The following SEMA6D variants were observed in gnomAD, a reference collection of about 807,000 sequenced individuals.
The protein encoded by SEMA6D is semaphorin-6D.
SEMA6D carries 35 observed loss-of-function variants against 106.6 expected under a neutral mutation model. That is an observed-to-expected ratio of 0.33 (90% CI 0.25 to 0.44). The LOEUF (loss-of-function observed/expected upper bound fraction) is 0.44, where lower values mean the gene tolerates loss of function less well. Among genes scored for constraint, SEMA6D ranks in the 20% least tolerant of loss-of-function variants. The pLI is 1.00. For missense variants in SEMA6D, 1,185 were observed against 1,345.9 expected (o/e 0.88, Z 1.87); for synonymous variants, 499 against 487.7 (o/e 1.02, Z -0.31).
At chr15:47,256,183 T>C (rs1244715029) in intron 1 of SEMA6D, among the ~76,000 whole-genome samples, 1 of 152,204 alleles carries the variant, frequency 6.6e-6, no homozygotes, top group Non-Finnish European at 1.5e-5. Flanking sequence ...ATTTTAGGGC[T>C]GGGGTCTTAC....
At chr15:47,450,997 A>G (rs1208898139) in intron 2 of SEMA6D, among the ~76,000 whole-genome samples, 1 of 152,128 alleles carries the variant, frequency 6.6e-6, no homozygotes, top group Non-Finnish European at 1.5e-5. Context: ...AATCCAGGGA[A>G]GAACAAAGTG....
intron 15 of SEMA6D, 24 bp from the exon 16 acceptor site, chr15:47,766,592 C>T (rs756126828): frequency 2.5e-6 from 4 of 1,611,424 alleles, no homozygotes; most frequent in Non-Finnish European, 3.4e-6. Flanking sequence ...TAACCGAAGA[C>T]TTCTTTGCTT....
intron 4 of SEMA6D, among the ~76,000 whole-genome samples, chr15:47,665,311 T>C (rs1388197577): frequency 1.3e-5 from 2 of 152,228 alleles, no homozygotes; most frequent in Non-Finnish European, 2.9e-5. Context: ...GCTTTCCATC[T>C]TCCTTTTCAT....
rs575557882 is a variant in SEMA6D at position 47,637,105 on chromosome 15, G to A, written c.-55+36209G>A. ...ATTTGGCTCTGAGCAACTCAGCTCT[G>A]GACAGAATTTTTGTACATCTTCTCA... On this transcript the variant is annotated intron_variant, in intron 4 of 19. Transcript: ENST00000558014. Among the ~76,000 whole-genome samples the A allele has an allele frequency of 8.5e-5, 13 of 152,212 alleles. No homozygotes were observed. The South Asian group carries it at 2.1e-3, about 24-fold the overall frequency.
rs371268361 is a variant in SEMA6D, at chr15:47,614,546, C to CCTTA, written c.-55+13651_-55+13654dup. The stretch of plus-strand genomic sequence containing the variant: ...TTGGATCCCAGCTGGAGACATGAGA[C>CCTTA]CTTATGCAGTCAGCCAGTCAGTCCC... On this transcript the variant is annotated intron_variant, in intron 4 of 19. Transcript: ENST00000558014. 1.4e-4 allele frequency among the ~76,000 whole-genome samples: 21 copies of CCTTA among 152,324 alleles called. No individual in the cohort carries two copies. In the East Asian group the frequency reaches 4.0e-3, roughly 29 times the overall value.
intron 1 of SEMA6D, among the ~76,000 whole-genome samples, chr15:47,368,073 T>C (rs1439257370): frequency 6.6e-6 from 1 of 152,174 alleles, no homozygotes; most frequent in African/African-American, 2.4e-5. Flanking sequence ...CTGATCTCTT[T>C]CCAAAGGTGC....
At chr15:47,225,106 C>T (rs891430004) in intron 1 of SEMA6D, among the ~76,000 whole-genome samples, 2 of 151,944 alleles carry the variant, frequency 1.3e-5, no homozygotes, top group African/African-American at 4.8e-5. Flanking sequence ...TGCCCTTTAT[C>T]ACTGGGAATG....
At chr15:47,761,915 G>A (rs1296950887) in intron 7 of SEMA6D, among the ~76,000 whole-genome samples, 164 bp downstream of exon 7, 2 of 152,126 alleles carry the variant, frequency 1.3e-5, no homozygotes, top group Admixed American at 1.3e-4. Context: ...GAAATTAAGG[G>A]CAAGGATATT....
chr15:47,431,072 T>A (rs895533339), intron 2 of SEMA6D, among the ~76,000 whole-genome samples: 6 of 152,176 alleles, frequency 3.9e-5, no homozygotes, highest in African/African-American at 1.4e-4. Flanking sequence ...AAATAAGATT[T>A]TTTTCTCATT....
Position 47,762,907 on chromosome 15 carries a change from T to C in SEMA6D, c.659-109T>C, listed in dbSNP as rs2082140089. ...AGTCATTGGCAGATTGGAGTTCTTG[T>C]TGGCTTGAATGTAATTGTGCAACAT... On this transcript the variant is annotated intron_variant, in intron 8 of 18. Coordinates refer to ENST00000536845, the MANE Select transcript of SEMA6D (RefSeq NM_001358351.3). The C allele has an allele frequency of 1.3e-5, 10 of 774,356 alleles. No individual in the cohort carries two copies. The South Asian group carries it at 1.5e-4, about 12-fold the overall frequency. 48.0% of individuals were successfully genotyped at this position (774,356 alleles called of 1,614,324 possible). A position where few individuals can be genotyped will look rare whatever the true frequency, so the allele number is the denominator to read the frequency against.
Position 47,771,226 on chromosome 15 carries a change from A to G in SEMA6D, c.2663A>G (p.Asp888Gly). 2 of 1,613,932 alleles carry G rather than the reference A, an allele frequency of 1.2e-6. No homozygotes were observed. The highest frequency in any genetic ancestry group is 1.7e-6 in the Non-Finnish European group (2 of 1,179,962). ...AATGATCTCCTGAAGCATCTGAATG[A>G]CCCAAATAGTAACCCCAAAGCCATC... is the stretch of plus-strand genomic sequence containing the variant. The part of the protein sequence containing the change: ...TLNDLLKHLN[D>G]PNSNPKAIMG... The change falls in exon 19 of 19, where the codon GAC becomes GGC. Residue 888 changes from aspartate to glycine, a missense_variant. By Grantham distance (94) the Asp-to-Gly change is moderately conservative (BLOSUM62 -1). Coordinates refer to ENST00000536845, the MANE Select transcript of SEMA6D (RefSeq NM_001358351.3).
chr15:47,587,908 C>A (rs556013643), intron 3 of SEMA6D, among the ~76,000 whole-genome samples: 1 of 152,026 alleles, frequency 6.6e-6, no homozygotes, highest in South Asian at 2.1e-4. Context: ...ACTGTTGTAG[C>A]TAAATGAGAG....
At chr15:47,514,815 G>C (rs1432458489) in intron 3 of SEMA6D, among the ~76,000 whole-genome samples, 1 of 152,146 alleles carries the variant, frequency 6.6e-6, no homozygotes, top group Admixed American at 6.6e-5. Flanking sequence ...ACAATGGTCA[G>C]AAATCCTCCT....
chr15:47,384,750 A>G (rs2039757011), intron 1 of SEMA6D, among the ~76,000 whole-genome samples: 1 of 150,480 alleles, frequency 6.6e-6, no homozygotes, highest in African/African-American at 2.4e-5. Context: ...TGCCAAAACC[A>G]TATAGAGGAG....
At chr15:47,470,753 A>ACT (rs2042810660) in intron 3 of SEMA6D, among the ~76,000 whole-genome samples, 2 of 151,580 alleles carry the variant, frequency 1.3e-5, no homozygotes, top group South Asian at 4.2e-4. Context: ...ATACAGCTCA[A>ACT]ACTACAAGTA....
At chr15:47,471,341 A>G (rs2042830924) in intron 3 of SEMA6D, among the ~76,000 whole-genome samples, 1 of 152,222 alleles carries the variant, frequency 6.6e-6, no homozygotes, top group African/African-American at 2.4e-5. Context: ...AGATTCTGGT[A>G]TGTTTCAAAC....
At chr15:47,266,206 T>C (rs1013576109) in intron 1 of SEMA6D, among the ~76,000 whole-genome samples, 3 of 152,110 alleles carry the variant, frequency 2.0e-5, no homozygotes, top group African/African-American at 7.2e-5. Flanking sequence ...CTGCCAATTG[T>C]CTTTTTTTGC....
chr15:47,509,683 A>G (rs1274619215), intron 3 of SEMA6D, among the ~76,000 whole-genome samples: 1 of 152,240 alleles, frequency 6.6e-6, no homozygotes, highest in Non-Finnish European at 1.5e-5. Flanking sequence ...GTCATTTAAA[A>G]TAAAAAGATG....
chr15:47,310,708 C>G (rs2036415065), intron 1 of SEMA6D, among the ~76,000 whole-genome samples: 1 of 151,988 alleles, frequency 6.6e-6, no homozygotes, highest in East Asian at 1.9e-4. Context: ...GGAGTATTTT[C>G]TATATATTAT....
Sources: allele counts gnomAD v4.1 joint callset (sites outside exome capture counted in the v4.1 genomes callset), GRCh38; gene constraint gnomAD v4.1.1; transcripts MANE v1.5; gene names NCBI Gene and HGNC (gene_info 2026-07-23, HGNC 2026-07-21).